MICU1: variants seen among roughly 807,000 people sequenced by gnomAD.
MICU1 encodes calcium uptake protein 1, mitochondrial.
Under a neutral mutation model 56.8 loss-of-function variants are expected in MICU1, and 45 were observed. That is an observed-to-expected ratio of 0.79 (90% CI 0.62 to 1.02). The LOEUF is 1.02. MICU1 is among the 50% of genes least tolerant of loss of function. The pLI is 0.00. For missense variants in MICU1, 504 were observed against 587.1 expected (o/e 0.86, Z 1.46); for synonymous variants, 186 against 195.1 (o/e 0.95, Z 0.39).
chr10:72,536,360 T>G (rs1217783184), intron 4 of MICU1, among the ~76,000 whole-genome samples: 1 of 152,112 alleles, frequency 6.6e-6, no homozygotes, highest in Non-Finnish European at 1.5e-5. Flanking sequence ...AATTAATTAT[T>G]TTTTGAGATG....
At chr10:72,470,686 T>C (rs529071927) in intron 8 of MICU1, among the ~76,000 whole-genome samples, 2 of 151,504 alleles carry the variant, frequency 1.3e-5, no homozygotes, top group Admixed American at 6.5e-5. Flanking sequence ...AGCAATTAAA[T>C]TTCCAATACA....
intron 8 of MICU1, among the ~76,000 whole-genome samples, chr10:72,435,900 G>A (rs1176283516): frequency 6.6e-6 from 1 of 152,248 alleles, no homozygotes; most frequent in Admixed American, 6.5e-5. Context: ...CTTGAACTGG[G>A]CGAAGCCCAC....
chr10:72,572,781 A>C (rs866280752), intron 1 of MICU1, among the ~76,000 whole-genome samples: 5 of 152,124 alleles, frequency 3.3e-5, no homozygotes, highest in Admixed American at 6.6e-5. Context: ...TCACCCATCA[A>C]ACGGGCAAAA....
intron 1 of MICU1, among the ~76,000 whole-genome samples, chr10:72,569,237 A>ATATATATATTTT: frequency 8.7e-5 from 3 of 34,376 alleles, no homozygotes; most frequent in Non-Finnish European, 1.5e-4. Flanking sequence ...ATATATATAT[A>ATATATATATTTT]TTTTTTTTTT....
At chr10:72,445,000 G>T (rs1362916079) in intron 8 of MICU1, among the ~76,000 whole-genome samples, 2 of 152,118 alleles carry the variant, frequency 1.3e-5, no homozygotes, top group African/African-American at 4.8e-5. Context: ...AGCTGCTCCT[G>T]AACTTTCAAG....
rs945194134 is a variant in MICU1 at position 72,367,589 on chromosome 10, T to A, written c.*606A>T. On this transcript the variant is annotated 3_prime_UTR_variant, in exon 12 of 12. Coordinates refer to ENST00000361114, the MANE Select transcript of MICU1 (RefSeq NM_001195518.2). ...GAGCCATGAAGCAACTACTTTAAAT[T>A]CTGAATCTTGCTGTGTTCCCACTGA... 3 of 152,598 alleles carry A rather than the reference T, an allele frequency of 2.0e-5. No homozygotes were observed. The highest frequency in any genetic ancestry group is 7.2e-5 in the African/African-American group (3 of 41,426). 9.5% of individuals were successfully genotyped at this position (152,598 alleles called of 1,614,324 possible).
chr10:72,371,280 G>C (rs1455744339), intron 11 of MICU1, among the ~76,000 whole-genome samples: 1 of 151,176 alleles, frequency 6.6e-6, no homozygotes, highest in Admixed American at 6.6e-5. Flanking sequence ...CCAGCTACTC[G>C]GGAGGCTGAG....
chr10:72,557,522 G>C (rs540665903), intron 3 of MICU1, among the ~76,000 whole-genome samples: 12 of 152,152 alleles, frequency 7.9e-5, no homozygotes, highest in Non-Finnish European at 1.6e-4. Context: ...CACAATAACT[G>C]ACCAAGGTTA....
chr10:72,411,702 A>C (rs1012953135), intron 9 of MICU1, among the ~76,000 whole-genome samples: 20 of 152,162 alleles, frequency 1.3e-4, no homozygotes, highest in African/African-American at 4.8e-4. Context: ...AGGTTAACAT[A>C]AAATTCCTAA....
intron 8 of MICU1, among the ~76,000 whole-genome samples, chr10:72,423,851 AAAG>A (rs1864258475): frequency 6.6e-6 from 1 of 152,218 alleles, no homozygotes; most frequent in South Asian, 2.1e-4. Context: ...GCATAATTTT[AAAG>A]AAGAGTAATA....
intron 5 of MICU1, among the ~76,000 whole-genome samples, chr10:72,524,414 CTATT>C (rs1867909353): frequency 6.6e-6 from 1 of 152,132 alleles, no homozygotes; most frequent in African/African-American, 2.4e-5. Flanking sequence ...CCAAGTAAGA[CTATT>C]TAAGTGACTC....
Position 72,368,260 on chromosome 10 carries a change from G to A in MICU1, c.1366C>T (p.Leu456Phe). ...EKPKDMGFTR[L>F]MQAMWKCAQE... ...GCACATTTCCACATGGCCTGCATGA[G>A]GCGAGTGAAACCCATGTCTTTGGGC... The change falls in exon 12 of 12, where the codon CTC becomes TTC. Residue 456 changes from leucine to phenylalanine, a missense_variant. By Grantham distance (22) the Leu-to-Phe change is conservative. Coordinates refer to ENST00000361114, the MANE Select transcript of MICU1 (RefSeq NM_001195518.2). 1 of 1,614,014 alleles carries A rather than the reference G, an allele frequency of 6.2e-7. No individual in the cohort carries two copies. Among genetic ancestry groups the A allele is most frequent in the Non-Finnish European group, 8.5e-7 (1 of 1,179,892 alleles).
intron 6 of MICU1, among the ~76,000 whole-genome samples, chr10:72,498,587 A>G (rs1399299728): frequency 6.6e-6 from 1 of 152,180 alleles, no homozygotes; most frequent in African/African-American, 2.4e-5. Flanking sequence ...CTCTGTATCA[A>G]AAAAGAAAGA....
chr10:72,470,578 A>G (rs1005188190), intron 8 of MICU1, among the ~76,000 whole-genome samples: 2 of 152,164 alleles, frequency 1.3e-5, no homozygotes, highest in Non-Finnish European at 2.9e-5. Context: ...CCACAGCAAT[A>G]GCCACTTCCA....
chr10:72,434,216 C>T (rs1463791336), intron 8 of MICU1, among the ~76,000 whole-genome samples: 1 of 152,092 alleles, frequency 6.6e-6, no homozygotes, highest in Non-Finnish European at 1.5e-5. Context: ...CATATTCTAA[C>T]ATTTATAACG....
chr10:72,384,407 A>T (rs1366999612), intron 10 of MICU1, among the ~76,000 whole-genome samples: 1 of 152,118 alleles, frequency 6.6e-6, no homozygotes, highest in Non-Finnish European at 1.5e-5. Flanking sequence ...TATTGATGTA[A>T]TTCTAGTAAT....
intron 2 of MICU1, among the ~76,000 whole-genome samples, chr10:72,563,921 G>A (rs1037730504): frequency 2.0e-5 from 3 of 152,126 alleles, no homozygotes; most frequent in Non-Finnish European, 2.9e-5. Flanking sequence ...TGGTTAAGAT[G>A]TAAGTTTTAT....
At chr10:72,599,141 T>C (rs1018117417) in intron 1 of MICU1, among the ~76,000 whole-genome samples, 2 of 152,192 alleles carry the variant, frequency 1.3e-5, no homozygotes, top group African/African-American at 4.8e-5. Flanking sequence ...GTAATCTAAA[T>C]GCCTCGGTTC....
chr10:72,539,288 C>A (rs1441299211), intron 4 of MICU1, among the ~76,000 whole-genome samples: 3 of 152,174 alleles, frequency 2.0e-5, no homozygotes, highest in South Asian at 4.1e-4. Flanking sequence ...ACAGAATACA[C>A]ATTCTTCTCA....
Sources: allele counts gnomAD v4.1 joint callset (sites outside exome capture counted in the v4.1 genomes callset), GRCh38; gene constraint gnomAD v4.1.1; transcripts MANE v1.5; gene names NCBI Gene and HGNC (gene_info 2026-07-23, HGNC 2026-07-21).